CACNA2D1: variants seen among roughly 807,000 people sequenced by gnomAD.
CACNA2D1 encodes the protein calcium voltage-gated channel auxiliary subunit alpha2delta 1, also known as voltage-dependent calcium channel subunit alpha-2/delta-1.
CACNA2D1 carries 53 observed loss-of-function variants against 171.5 expected under a neutral mutation model. The ratio of observed to expected loss-of-function variants is 0.31; its 90% confidence interval spans 0.25 to 0.39. The LOEUF (loss-of-function observed/expected upper bound fraction) is 0.39. Among genes scored for constraint, CACNA2D1 ranks in the 10% least tolerant of loss-of-function variants. The pLI, the probability that CACNA2D1 is intolerant of heterozygous loss-of-function variation, is 1.00. For synonymous variants in CACNA2D1, 442 were observed against 443.1 expected, an observed-to-expected ratio of 1.00 and a Z score of 0.03; for missense variants, 903 against 1,299.8, an observed-to-expected ratio of 0.69 and a Z score of 4.69.
intron 1 of CACNA2D1, among the ~76,000 whole-genome samples, chr7:82,416,403 A>C (rs1208507810): frequency 6.6e-6 from 1 of 152,142 alleles, no homozygotes; most frequent in African/African-American, 2.4e-5. Flanking sequence ...TCAGGCTACC[A>C]TAACAAACTA....
At chr7:82,343,401 C>T (rs1425530482) in intron 2 of CACNA2D1, among the ~76,000 whole-genome samples, 1 of 152,148 alleles carries the variant, frequency 6.6e-6, no homozygotes, top group Non-Finnish European at 1.5e-5. Context: ...AAGTGACAAT[C>T]GCAAACAGGC....
At chr7:82,229,404 ACC>A (rs1330800321) in intron 3 of CACNA2D1, among the ~76,000 whole-genome samples, 1 of 152,150 alleles carries the variant, frequency 6.6e-6, no homozygotes, top group East Asian at 1.9e-4. Context: ...TAGAACTCTG[ACC>A]CACAATCTAT....
At chr7:82,332,561 A>AGAAAGAAAGAAAGAAC (rs1554514960) in intron 3 of CACNA2D1, among the ~76,000 whole-genome samples, 24 of 140,438 alleles carry the variant, frequency 1.7e-4, no homozygotes, top group African/African-American at 5.4e-4. Flanking sequence ...AAAGAAAGAA[A>AGAAAGAAAGAAAGAAC]GAAAGAACGA....
chr7:82,085,178 G>C (rs1810301448), intron 6 of CACNA2D1, among the ~76,000 whole-genome samples: 1 of 152,096 alleles, frequency 6.6e-6, no homozygotes, highest in African/African-American at 2.4e-5. Context: ...TGTCCCTACT[G>C]ACATTTTGGC....
At chr7:82,422,911 T>C (rs1054077789) in intron 1 of CACNA2D1, among the ~76,000 whole-genome samples, 1 of 152,062 alleles carries the variant, frequency 6.6e-6, no homozygotes, top group East Asian at 1.9e-4. Flanking sequence ...TTCCATGCAT[T>C]TTAATTCCAG....
At chr7:82,211,586 C>T (rs1017842101) in intron 3 of CACNA2D1, among the ~76,000 whole-genome samples, 1 of 151,760 alleles carries the variant, frequency 6.6e-6, no homozygotes, top group Non-Finnish European at 1.5e-5. Context: ...AGATTTACCA[C>T]ATTTTCTCTT....
At chr7:82,055,705 T>C (rs569754458) in intron 10 of CACNA2D1, among the ~76,000 whole-genome samples, 3 of 130,228 alleles carry the variant, frequency 2.3e-5, no homozygotes, top group Non-Finnish European at 4.7e-5. Context: ...TAGGTGGGAA[T>C]TGAACAATGA....
chr7:82,440,016 T>C (rs1286847873), intron 1 of CACNA2D1, among the ~76,000 whole-genome samples: 2 of 151,840 alleles, frequency 1.3e-5, no homozygotes, highest in African/African-American at 2.4e-5. Flanking sequence ...TTCTCCTTTA[T>C]AGCCTTAAAT....
At chr7:81,970,476 ACAT>A (rs1441099189) in intron 27 of CACNA2D1, among the ~76,000 whole-genome samples, 196 bp downstream of exon 27, 4 of 151,670 alleles carry the variant, frequency 2.6e-5, no homozygotes, top group South Asian at 4.1e-4. Flanking sequence ...GCAAGCAAAA[ACAT>A]CATTGAAGAA....
chr7:82,320,832 A>C (rs914782916), intron 3 of CACNA2D1, among the ~76,000 whole-genome samples: 2 of 152,048 alleles, frequency 1.3e-5, no homozygotes, highest in African/African-American at 4.8e-5. Flanking sequence ...CACCCACATA[A>C]AAAATAAACT....
At chr7:82,438,618 C>T (rs912148834) in intron 1 of CACNA2D1, among the ~76,000 whole-genome samples, 1 of 152,160 alleles carries the variant, frequency 6.6e-6, no homozygotes, top group African/African-American at 2.4e-5. Context: ...GCCATCACAG[C>T]CCATTCCTAG....
intron 3 of CACNA2D1, among the ~76,000 whole-genome samples, chr7:82,283,438 T>G (rs556255852): frequency 6.6e-6 from 1 of 152,222 alleles, no homozygotes; most frequent in Admixed American, 6.5e-5. Context: ...CAAAAAAGCA[T>G]AGATATTTAT....
chr7:82,431,117 C>T (rs1006760227), intron 1 of CACNA2D1, among the ~76,000 whole-genome samples: 3 of 152,172 alleles, frequency 2.0e-5, no homozygotes, highest in Non-Finnish European at 2.9e-5. Context: ...TCCACTTACA[C>T]TCCACCGCAT....
intron 6 of CACNA2D1, among the ~76,000 whole-genome samples, chr7:82,085,813 C>T (rs1253298036): frequency 6.6e-6 from 1 of 151,792 alleles, no homozygotes; most frequent in African/African-American, 2.4e-5. Flanking sequence ...AAACATATAC[C>T]ACTCATTACA....
intron 3 of CACNA2D1, among the ~76,000 whole-genome samples, chr7:82,303,397 T>C (rs2129427464): frequency 6.6e-6 from 1 of 150,798 alleles, no homozygotes; most frequent in East Asian, 2.0e-4. Flanking sequence ...CTATCAAAAT[T>C]CCAATGTTAT....
chr7:82,151,846 AAAGTT>A (rs1793883781), intron 4 of CACNA2D1, among the ~76,000 whole-genome samples: 1 of 152,168 alleles, frequency 6.6e-6, no homozygotes, highest in South Asian at 2.1e-4. Context: ...AAGCAATTTC[AAAGTT>A]AATATCCAGG....
intron 1 of CACNA2D1, among the ~76,000 whole-genome samples, chr7:82,430,261 T>C (rs1377310905): frequency 2.0e-5 from 3 of 151,424 alleles, no homozygotes; most frequent in Non-Finnish European, 4.4e-5. Flanking sequence ...ACTCAGAATA[T>C]AAAAAAATTA....
At chr7:82,328,125 AG>A (rs1816873601) in intron 3 of CACNA2D1, among the ~76,000 whole-genome samples, 1 of 152,164 alleles carries the variant, frequency 6.6e-6, no homozygotes, top group Non-Finnish European at 1.5e-5. Flanking sequence ...TAACATCCAC[AG>A]GCATGTATCA....
chr7:82,263,883 A>G (rs1378078281), intron 3 of CACNA2D1, among the ~76,000 whole-genome samples: 1 of 152,170 alleles, frequency 6.6e-6, no homozygotes, highest in South Asian at 2.1e-4. Flanking sequence ...ACATGCTACA[A>G]TATGTTTTTT....
Sources: gnomAD v4.1 joint callset for allele counts (sites outside exome capture counted in the v4.1 genomes callset) on GRCh38, gnomAD v4.1.1 for gene constraint, MANE v1.5 for transcripts, NCBI Gene and HGNC (gene_info 2026-07-23, HGNC 2026-07-21) for gene names.